Variants in MEIS2 observed in about 807,000 individuals in gnomAD.
MEIS2 encodes the protein homeobox protein Meis2.
MEIS2 carries 9 observed loss-of-function variants against 58.6 expected under a neutral mutation model. That is an observed-to-expected ratio of 0.15 (90% CI 0.09 to 0.27). The LOEUF is 0.27. MEIS2 is among the 10% of genes least tolerant of loss of function. The pLI, the probability that MEIS2 is intolerant of heterozygous loss-of-function variation, is 1.00. For missense variants in MEIS2, 427 were observed against 635.0 expected, an observed-to-expected ratio of 0.67 and a Z score of 3.52; for synonymous variants, 221 against 228.4, an observed-to-expected ratio of 0.97 and a Z score of 0.29.
In MEIS2 at chr15:37,096,304, C is replaced by A. The variant is rs1894242013; in HGVS notation, c.372G>T (p.Ala124=). ...CSSDSFNEDI[A]VFAKQVRAEK... is the part of the protein sequence containing the mutation. ...AAGGCTGGACCTGCTTGGCGAAGACCGCGATGTCCTCGTTGAAGGAGTCGG... is the reference window on the plus strand; with the variant it reads ...AAGGCTGGACCTGCTTGGCGAAGACAGCGATGTCCTCGTTGAAGGAGTCGG... Residue 124 remains alanine (A), a synonymous_variant, in exon 3 of 12, where the codon GCG becomes GCT. Transcript: ENST00000561208. 6.2e-7 allele frequency: 1 copy of A among 1,610,702 alleles called. No homozygotes were observed. The highest frequency in any genetic ancestry group is 2.2e-5 in the East Asian group (1 of 44,768).
intron 9 of MEIS2, among the ~76,000 whole-genome samples, chr15:36,936,201 T>G (rs898503118): frequency 6.6e-6 from 1 of 150,792 alleles, no homozygotes; most frequent in South Asian, 2.1e-4. Context: ...TTCTTTCTTT[T>G]TTTTTTTTTT....
At chr15:37,047,959 T>C (rs935301521) in intron 7 of MEIS2, among the ~76,000 whole-genome samples, 1 of 152,208 alleles carries the variant, frequency 6.6e-6, no homozygotes, top group Non-Finnish European at 1.5e-5. Context: ...TCACACAAAA[T>C]GTCCTTCTGT....
chr15:37,052,594 T>C (rs759460655), intron 7 of MEIS2, among the ~76,000 whole-genome samples: 2 of 152,242 alleles, frequency 1.3e-5, no homozygotes, highest in Non-Finnish European at 2.9e-5. Flanking sequence ...AGTCACTTAC[T>C]ATCGGCCAAT....
At chr15:37,081,913 A>C (rs997555691) in intron 7 of MEIS2, among the ~76,000 whole-genome samples, 1 of 152,148 alleles carries the variant, frequency 6.6e-6, no homozygotes, top group African/African-American at 2.4e-5. Context: ...TTTCCTAAAA[A>C]ACAAAACTAA....
chr15:37,036,719 G>T, intron 8 of MEIS2, 95 bp downstream of exon 8: 1 of 1,336,134 alleles, frequency 7.5e-7, no homozygotes, highest in Non-Finnish European at 1.0e-6. Context: ...TAAGAAAATA[G>T]GCACCTTAGT....
At chr15:36,902,552 C>T (rs1004494368) in intron 9 of MEIS2, among the ~76,000 whole-genome samples, 5 of 152,204 alleles carry the variant, frequency 3.3e-5, no homozygotes, top group African/African-American at 4.8e-5. Context: ...AAATACATTA[C>T]CGTCCCCATT....
intron 8 of MEIS2, among the ~76,000 whole-genome samples, chr15:37,003,402 A>G (rs1425972197): frequency 6.6e-6 from 1 of 152,192 alleles, no homozygotes; most frequent in Admixed American, 6.5e-5. Flanking sequence ...AAAATTGTCA[A>G]TATTTTAGAC....
chr15:36,900,058 A>C (rs976613761), intron 9 of MEIS2, among the ~76,000 whole-genome samples: 1 of 152,202 alleles, frequency 6.6e-6, no homozygotes, highest in Non-Finnish European at 1.5e-5. Flanking sequence ...GATATTAAAA[A>C]ATTCTCTAAG....
At chr15:36,989,942 T>C (rs187242384) in intron 8 of MEIS2, among the ~76,000 whole-genome samples, 384 of 152,100 alleles carry the variant, frequency 2.5e-3, no homozygotes, top group African/African-American at 8.7e-3. Context: ...TTTTGTTTGT[T>C]TGTTTGTTTG....
intron 7 of MEIS2, among the ~76,000 whole-genome samples, chr15:37,070,989 C>T (rs1218712840): frequency 6.6e-6 from 1 of 151,944 alleles, no homozygotes; most frequent in African/African-American, 2.4e-5. Flanking sequence ...GAGGACATAG[C>T]AGAGAATTTG....
chr15:37,070,429 C>T (rs1163712244), intron 7 of MEIS2, among the ~76,000 whole-genome samples: 1 of 152,066 alleles, frequency 6.6e-6, no homozygotes, highest in Non-Finnish European at 1.5e-5. Context: ...AGACTGGCCC[C>T]CAGAGATAAT....
At chr15:37,030,371 C>CT (rs374835004) in intron 8 of MEIS2, among the ~76,000 whole-genome samples, 1 of 150,726 alleles carries the variant, frequency 6.6e-6, no homozygotes, top group Admixed American at 6.6e-5. Flanking sequence ...ATTTTTTTTT[C>CT]TTTTTTTTAG....
intron 9 of MEIS2, among the ~76,000 whole-genome samples, chr15:36,912,123 T>TA (rs2057057150): frequency 1.3e-5 from 2 of 151,922 alleles, no homozygotes; most frequent in Admixed American, 1.3e-4. Context: ...TGGGTGGAAA[T>TA]TAAACCCCAA....
intron 5 of MEIS2, 101 bp downstream of exon 5, chr15:37,094,426 G>T: frequency 1.8e-6 from 2 of 1,126,202 alleles, no homozygotes; most frequent in Non-Finnish European, 2.6e-6. Flanking sequence ...AAAATCTCCA[G>T]GTGCTCAATC....
chr15:37,055,899 T>C (rs1567234878), intron 7 of MEIS2, among the ~76,000 whole-genome samples: 1 of 152,200 alleles, frequency 6.6e-6, no homozygotes, highest in Non-Finnish European at 1.5e-5. Flanking sequence ...TGCTAGCCTT[T>C]CCATACTCCA....
At chr15:37,070,387 C>T (rs1371995553) in intron 7 of MEIS2, among the ~76,000 whole-genome samples, 2 of 152,248 alleles carry the variant, frequency 1.3e-5, no homozygotes, top group Admixed American at 6.5e-5. Context: ...AGCAGAGTCC[C>T]GGACCACATT....
intron 8 of MEIS2, among the ~76,000 whole-genome samples, chr15:36,984,289 T>C (rs568466677): frequency 8.5e-5 from 13 of 152,238 alleles, no homozygotes; most frequent in African/African-American, 3.1e-4. Context: ...TTGTCATATA[T>C]GGCCTTTATT....
chr15:36,941,126 T>C (rs1363300286), intron 9 of MEIS2, among the ~76,000 whole-genome samples: 1 of 152,088 alleles, frequency 6.6e-6, no homozygotes, highest in Non-Finnish European at 1.5e-5. Flanking sequence ...ACAGGAAACC[T>C]GCAATGAGCA....
chr15:36,937,524 T>C (rs1321310802), intron 9 of MEIS2, among the ~76,000 whole-genome samples: 1 of 152,204 alleles, frequency 6.6e-6, no homozygotes, highest in Non-Finnish European at 1.5e-5. Flanking sequence ...GATATACTTT[T>C]TATAAGATGG....
Sources: allele counts gnomAD v4.1 joint callset (sites outside exome capture counted in the v4.1 genomes callset), GRCh38; gene constraint gnomAD v4.1.1; transcripts MANE v1.5; gene names NCBI Gene and HGNC (gene_info 2026-07-23, HGNC 2026-07-21).